Variants in RAP1GAP2 observed in about 807,000 individuals in gnomAD.
The protein encoded by RAP1GAP2 is rap1 GTPase-activating protein 2.
Under a neutral mutation model 95.0 loss-of-function variants are expected in RAP1GAP2, and 27 were observed. The ratio of observed to expected loss-of-function variants is 0.28; its 90% CI spans 0.21 to 0.39. The LOEUF (loss-of-function observed/expected upper bound fraction) is 0.39. Among genes scored for constraint, RAP1GAP2 ranks in the 10% least tolerant of loss-of-function variants. The pLI, the probability that RAP1GAP2 is intolerant of heterozygous loss-of-function variation, is 1.00. For missense variants in RAP1GAP2, 771 were observed against 970.0 expected, an observed-to-expected ratio of 0.79 and a Z score of 2.72; for synonymous variants, 373 against 380.9, an observed-to-expected ratio of 0.98 and a Z score of 0.24.
At chr17:2,894,606 C>A (rs547694311) in intron 2 of RAP1GAP2, among the ~76,000 whole-genome samples, 30 of 152,192 alleles carry the variant, frequency 2.0e-4, no homozygotes, top group South Asian at 4.1e-4. Context: ...GCTTGCCGTG[C>A]GTCCAGAAAG....
chr17:2,961,938 T>C (rs1329775282), intron 4 of RAP1GAP2, among the ~76,000 whole-genome samples: 1 of 150,750 alleles, frequency 6.6e-6, no homozygotes, highest in African/African-American at 2.4e-5. Flanking sequence ...GTTTCGCTCT[T>C]GTTGCCCAGG....
At position 2,974,823 on chromosome 17, in the gene RAP1GAP2, AAGG is replaced by A. The variant is rs549615905; in HGVS notation, c.597-5459_597-5457del. ...TCTATAGCAAATTAGTAGGAGATAA[AAGG>A]AGGATTAACAAAAAGAAAGCAAAAA... On this transcript the variant is annotated intron_variant, in intron 8 of 24. Transcript: ENST00000254695. Among the ~76,000 whole-genome samples, 5 of 152,314 alleles carry A rather than the reference AAGG, an allele frequency of 3.3e-5. No individual in the cohort carries two copies. In the South Asian group the frequency reaches 8.3e-4, roughly 25 times the overall value.
rs555651404 is a variant in RAP1GAP2, at chr17:2,893,821, C to T, written c.81-11463C>T. 8.5e-5 allele frequency among the ~76,000 whole-genome samples: 13 copies of T among 152,370 alleles called. No homozygotes were observed. In the South Asian group the frequency reaches 2.7e-3, roughly 32 times the overall value. On this transcript the variant is annotated intron_variant, in intron 2 of 24. Transcript: ENST00000254695. ...CGGAGTGCGTTTGAAGGGCTGGGTGCGTAGGCACCTGGCTTGGTGATTTCT... is the reference window on the plus strand; with the variant it reads ...CGGAGTGCGTTTGAAGGGCTGGGTGTGTAGGCACCTGGCTTGGTGATTTCT...
intron 17 of RAP1GAP2, among the ~76,000 whole-genome samples, chr17:3,017,308 C>G (rs1358795661): frequency 2.6e-5 from 4 of 151,874 alleles, no homozygotes; most frequent in Non-Finnish European, 4.4e-5. Context: ...CCTGGGTGGC[C>G]TGAGCAGCTC....
intron 1 of RAP1GAP2, among the ~76,000 whole-genome samples, chr17:2,777,725 T>G (rs530607260): frequency 6.6e-6 from 1 of 152,216 alleles, no homozygotes; most frequent in African/African-American, 2.4e-5. Context: ...GCCAGTGGGG[T>G]TTGCTGGGAT....
chr17:2,893,723 G>GGCCAGGCAGT (rs1342455561), intron 2 of RAP1GAP2, among the ~76,000 whole-genome samples: 27 of 152,232 alleles, frequency 1.8e-4, no homozygotes, highest in Admixed American at 9.8e-4. Context: ...CCCCCATGGA[G>GGCCAGGCAGT]GCCAGGCAGT....
At chr17:2,882,681 T>A (rs1321288866) in intron 2 of RAP1GAP2, among the ~76,000 whole-genome samples, 1 of 152,206 alleles carries the variant, frequency 6.6e-6, no homozygotes, top group African/African-American at 2.4e-5. Context: ...TGTGTCTCCT[T>A]CCTGGAGAAT....
chr17:2,886,171 A>ATTTTTT (rs564574824), intron 2 of RAP1GAP2, among the ~76,000 whole-genome samples: 2 of 123,352 alleles, frequency 1.6e-5, no homozygotes, highest in Non-Finnish European at 1.6e-5. Context: ...GTATATATAT[A>ATTTTTT]TTTTTTTTTT....
At chr17:2,760,571 C>T (rs967379147) in intron 1 of RAP1GAP2, among the ~76,000 whole-genome samples, 1 of 145,368 alleles carries the variant, frequency 6.9e-6, no homozygotes, top group African/African-American at 2.4e-5. Context: ...GAACTCCTGA[C>T]CTCAGGTGAT....
chr17:2,892,928 T>C (rs1299375465), intron 2 of RAP1GAP2, among the ~76,000 whole-genome samples: 1 of 152,222 alleles, frequency 6.6e-6, no homozygotes, highest in African/African-American at 2.4e-5. Flanking sequence ...TGATCTTTTT[T>C]CTCTTCCCTC....
rs567686490 is a variant in RAP1GAP2 at position 2,856,402 on chromosome 17, G to A, written c.81-48882G>A. On this transcript the variant is annotated intron_variant, in intron 2 of 24. Coordinates refer to ENST00000254695, the MANE Select transcript of RAP1GAP2 (RefSeq NM_015085.5). Reference sequence around the variant, plus strand: ...CTGCCTCACCACAAAGGGCTGTGAGGCTCAAGTCAGATCATGTGAGTGGAG... The same window carrying A: ...CTGCCTCACCACAAAGGGCTGTGAGACTCAAGTCAGATCATGTGAGTGGAG... 5.3e-5 allele frequency among the ~76,000 whole-genome samples: 8 copies of A among 152,328 alleles called. No homozygotes were observed. In the South Asian group the frequency reaches 1.7e-3, roughly 32 times the overall value.
At chr17:2,783,614 T>C (rs1379317457) in intron 1 of RAP1GAP2, among the ~76,000 whole-genome samples, 2 of 152,208 alleles carry the variant, frequency 1.3e-5, no homozygotes, top group Non-Finnish European at 2.9e-5. Flanking sequence ...GTCCTGCCAG[T>C]GTTCTGGTTA....
At chr17:2,907,777 C>T (rs1476572820) in intron 3 of RAP1GAP2, among the ~76,000 whole-genome samples, 1 of 152,126 alleles carries the variant, frequency 6.6e-6, no homozygotes, top group Non-Finnish European at 1.5e-5. Context: ...TGCAGAATCT[C>T]AGGTTCCACC....
At chr17:3,009,113 G>A (rs1302502650) in intron 17 of RAP1GAP2, among the ~76,000 whole-genome samples, 1 of 152,154 alleles carries the variant, frequency 6.6e-6, no homozygotes, top group African/African-American at 2.4e-5. Context: ...CCGCAGCTCT[G>A]TGGGATCCTG....
chr17:2,924,191 A>G (rs1354573747), intron 3 of RAP1GAP2, among the ~76,000 whole-genome samples: 2 of 152,134 alleles, frequency 1.3e-5, no homozygotes, highest in Admixed American at 1.3e-4. Context: ...TGGAGGAGAG[A>G]GGGTGCAGTC....
chr17:2,970,979 G>A (rs1196120360), intron 8 of RAP1GAP2, among the ~76,000 whole-genome samples: 1 of 152,186 alleles, frequency 6.6e-6, no homozygotes, highest in Non-Finnish European at 1.5e-5. Flanking sequence ...AGGCTACAAT[G>A]AGCCATGATT....
chr17:2,874,119 T>C (rs2072980491), intron 2 of RAP1GAP2, among the ~76,000 whole-genome samples: 1 of 152,240 alleles, frequency 6.6e-6, no homozygotes. Context: ...ACAAGTTACC[T>C]GATTTCTCAA....
rs532979228 is a variant in RAP1GAP2 at position 2,797,778 on chromosome 17, C to T, written c.44+1207C>T. ...CGCCTGGATCTGGGAGCTGCCACCCCGAGGGTAGGTGCCAGTGTCCGGGAG... is the reference window on the plus strand; with the variant it reads ...CGCCTGGATCTGGGAGCTGCCACCCTGAGGGTAGGTGCCAGTGTCCGGGAG... On this transcript the variant is annotated intron_variant, in intron 1 of 24. Coordinates refer to ENST00000254695, the MANE Select transcript of RAP1GAP2 (RefSeq NM_015085.5). The surrounding 1 kb of genome is among the most constrained non-coding windows in gnomAD (Gnocchi z 5.6). 6.1e-5 allele frequency: 60 copies of T among 985,306 alleles called. No individual in the cohort carries two copies. Among genetic ancestry groups the T allele is most frequent in the Middle Eastern group, 1.0e-3 (2 of 1,914 alleles). 61.0% of individuals were successfully genotyped at this position (985,306 alleles called of 1,614,324 possible). A position where few individuals can be genotyped will look rare whatever the true frequency, so the allele number is the denominator to read the frequency against.
chr17:3,021,623 C>T lies in RAP1GAP2; in HGVS notation c.1751+1028C>T, dbSNP rs111575047. Among the ~76,000 whole-genome samples, 25 of 152,048 alleles carry T rather than the reference C, an allele frequency of 1.6e-4. No homozygotes were observed. In the East Asian group the frequency reaches 2.1e-3, roughly 13 times the overall value. ...CTAATTTTTGTAATTTTGGTAGAGA[C>T]GGGGTTTTGCCATGTTGGCCAGGCT... On this transcript the variant is annotated intron_variant, in intron 19 of 24. Coordinates refer to ENST00000254695, the MANE Select transcript of RAP1GAP2 (RefSeq NM_015085.5).
Sources: gnomAD v4.1 joint callset for allele counts (sites outside exome capture counted in the v4.1 genomes callset) on GRCh38, gnomAD v4.1.1 for gene constraint, Gnocchi (gnomAD v3.1) non-coding constraint, MANE v1.5 for transcripts, NCBI Gene and HGNC (gene_info 2026-07-23, HGNC 2026-07-21) for gene names.